Variants in STK32B observed in about 807,000 individuals in gnomAD.
STK32B encodes the protein serine/threonine-protein kinase 32B.
In STK32B, 43 loss-of-function variants were observed where a neutral mutation model predicts 52.6. That is an observed-to-expected ratio of 0.82 (90% CI 0.64 to 1.05). The LOEUF is 1.05. Ranked by LOEUF, STK32B falls within the 50% of genes least tolerant of loss-of-function variation. The pLI is 0.00. For synonymous variants in STK32B, 238 were observed against 204.3 expected (o/e 1.17, Z -1.41); for missense variants, 621 against 534.6 (o/e 1.16, Z -1.59).
intron 3 of STK32B, among the ~76,000 whole-genome samples, chr4:5,277,526 A>T (rs1727905457): frequency 6.6e-6 from 1 of 152,192 alleles, no homozygotes; most frequent in Non-Finnish European, 1.5e-5. Flanking sequence ...TTGCTTATGA[A>T]TGCGCTCCTG....
intron 3 of STK32B, among the ~76,000 whole-genome samples, chr4:5,195,882 A>G (rs1721609154): frequency 6.6e-6 from 1 of 152,218 alleles, no homozygotes; most frequent in South Asian, 2.1e-4. Flanking sequence ...TGGATTCTTA[A>G]AAGTTGTTAT....
chr4:5,323,656 A>G (rs1439966446), intron 3 of STK32B, among the ~76,000 whole-genome samples: 1 of 152,144 alleles, frequency 6.6e-6, no homozygotes, highest in Non-Finnish European at 1.5e-5. Context: ...TTCTGTGTAG[A>G]CATCATTGAC....
chr4:5,436,636 G>A, intron 6 of STK32B: 1 of 985,426 alleles, frequency 1.0e-6, no homozygotes. Context: ...TGAGCAGCAT[G>A]TGAGCAAAGC....
intron 4 of STK32B, among the ~76,000 whole-genome samples, chr4:5,346,936 G>A (rs776234534): frequency 1.3e-5 from 2 of 152,156 alleles, no homozygotes; most frequent in Non-Finnish European, 2.9e-5. Flanking sequence ...GTAAGAGAGA[G>A]CACATGTGAA....
intron 5 of STK32B, among the ~76,000 whole-genome samples, chr4:5,401,925 G>A (rs1387495235): frequency 6.6e-6 from 1 of 152,232 alleles, no homozygotes; most frequent in Non-Finnish European, 1.5e-5. Context: ...TGGGTAGGCA[G>A]GACTGTTGAT....
chr4:5,425,601 AGT>A (rs1713026958), intron 6 of STK32B, among the ~76,000 whole-genome samples: 2 of 111,186 alleles, frequency 1.8e-5, no homozygotes, highest in South Asian at 3.4e-4. Flanking sequence ...TGAGGGAGAC[AGT>A]CAGTTTAAAA....
At chr4:5,056,062 A>G (rs766421309) in intron 1 of STK32B, among the ~76,000 whole-genome samples, 3 of 152,134 alleles carry the variant, frequency 2.0e-5, no homozygotes, top group African/African-American at 2.4e-5. Flanking sequence ...GTGAGGGAGC[A>G]TTAATGCCTG....
chr4:5,315,004 C>T (rs771577429), intron 3 of STK32B, among the ~76,000 whole-genome samples: 24 of 151,916 alleles, frequency 1.6e-4, no homozygotes, highest in Non-Finnish European at 2.6e-4. Flanking sequence ...GATTTATGCT[C>T]GGCAGAAGAC....
At chr4:5,096,936 T>A (rs1211221690) in intron 1 of STK32B, among the ~76,000 whole-genome samples, 2 of 152,188 alleles carry the variant, frequency 1.3e-5, no homozygotes, top group African/African-American at 4.8e-5. Flanking sequence ...GCCCATTCAA[T>A]CATCACAGTG....
In STK32B at chr4:5,059,052, CTTTTTTTTTTTTTTT is replaced by C. The variant is rs3072775; in HGVS notation, c.52+7152_52+7166del. Reference sequence around the variant, plus strand: ...AGGCGTGAGCCACCACGCCCAGCTGCTTTTTTTTTTTTTTTTTTTTTTTTTTTTTGTAGAGCTGAG... The same window carrying C: ...AGGCGTGAGCCACCACGCCCAGCTGCTTTTTTTTTTTTTTGTAGAGCTGAG... On this transcript the variant is annotated intron_variant, in intron 1 of 11. Transcript: ENST00000282908. Among the ~76,000 whole-genome samples the C allele has an allele frequency of 4.6e-5, 4 of 86,894 alleles. 1 individual carries two copies. Among genetic ancestry groups the C allele is most frequent in the East Asian group, 7.7e-4 (2 of 2,588 alleles). 57.0% of individuals were successfully genotyped at this position (86,894 alleles called of 152,430 possible). A position where few individuals can be genotyped will look rare whatever the true frequency, so the allele number is the denominator to read the frequency against.
intron 2 of STK32B, among the ~76,000 whole-genome samples, chr4:5,166,503 T>C (rs1718880424): frequency 6.8e-6 from 1 of 147,866 alleles, no homozygotes; most frequent in Non-Finnish European, 1.5e-5. Context: ...GGCCTAAGTC[T>C]ACTCTGACTG....
At chr4:5,262,746 A>G (rs1284280251) in intron 3 of STK32B, among the ~76,000 whole-genome samples, 1 of 152,188 alleles carries the variant, frequency 6.6e-6, no homozygotes, top group Admixed American at 6.5e-5. Context: ...TCATTTTCAT[A>G]TTAAATACAT....
chr4:5,101,531 T>G (rs1713787474), intron 1 of STK32B, among the ~76,000 whole-genome samples: 1 of 152,212 alleles, frequency 6.6e-6, no homozygotes, highest in Non-Finnish European at 1.5e-5. Context: ...ATGCTGTTAT[T>G]TTTTCAAGAA....
chr4:5,390,627 G>T (rs1400091227), intron 4 of STK32B, among the ~76,000 whole-genome samples: 1 of 152,126 alleles, frequency 6.6e-6, no homozygotes, highest in Non-Finnish European at 1.5e-5. Context: ...GCAGCAGGGA[G>T]TAAATGGACA....
At chr4:5,191,894 G>A (rs374195816) in intron 3 of STK32B, among the ~76,000 whole-genome samples, 10 of 152,342 alleles carry the variant, frequency 6.6e-5, no homozygotes, top group African/African-American at 2.4e-4. Flanking sequence ...TGTGCTCCCA[G>A]GTCCATGACC....
intron 6 of STK32B, among the ~76,000 whole-genome samples, chr4:5,429,869 G>T (rs776002698): frequency 4.6e-5 from 7 of 150,604 alleles, no homozygotes; most frequent in African/African-American, 7.3e-5. Flanking sequence ...TAAGAGGGTG[G>T]TTTTTTTTTC....
At chr4:5,379,175 C>T (rs1735768792) in intron 4 of STK32B, among the ~76,000 whole-genome samples, 2 of 152,168 alleles carry the variant, frequency 1.3e-5, no homozygotes, top group South Asian at 4.1e-4. Flanking sequence ...CCTTAGGAGA[C>T]TGTCGGCGGA....
chr4:5,153,322 G>A (rs1230568694), intron 2 of STK32B, among the ~76,000 whole-genome samples: 4 of 152,162 alleles, frequency 2.6e-5, no homozygotes, highest in African/African-American at 9.7e-5. Flanking sequence ...CAATCATGTG[G>A]CTCCTGCAAC....
At chr4:5,353,790 TG>T (rs1734000519) in intron 4 of STK32B, among the ~76,000 whole-genome samples, 1 of 152,130 alleles carries the variant, frequency 6.6e-6, no homozygotes, top group Admixed American at 6.6e-5. Flanking sequence ...ACACTGTTGG[TG>T]GGAATGTAAT....
Sources: gnomAD v4.1 joint callset for allele counts (sites outside exome capture counted in the v4.1 genomes callset) on GRCh38, gnomAD v4.1.1 for gene constraint, MANE v1.5 for transcripts, NCBI Gene and HGNC (gene_info 2026-07-23, HGNC 2026-07-21) for gene names.